Variants in GREB1L observed in about 807,000 individuals in gnomAD.
The protein encoded by GREB1L is GREB1-like protein.
GREB1L carries 17 observed loss-of-function variants against 200.8 expected under a neutral mutation model. The observed-to-expected ratio is 0.08, with a 90% CI of 0.06 to 0.13. The LOEUF is 0.13. GREB1L is among the 10% of genes least tolerant of loss of function. GREB1L has a pLI of 1.00. For missense variants in GREB1L, 1,657 were observed against 2,367.7 expected, an observed-to-expected ratio of 0.70 and a Z score of 6.23; for synonymous variants, 789 against 893.0, an observed-to-expected ratio of 0.88 and a Z score of 2.08.
At chr18:21,277,014 C>T (rs550219872) in intron 1 of GREB1L, among the ~76,000 whole-genome samples, 1 of 150,630 alleles carries the variant, frequency 6.6e-6, no homozygotes, top group Non-Finnish European at 1.5e-5. Flanking sequence ...CTGTAAGCTC[C>T]GCCTCCTGGG....
chr18:21,324,115 T>C (rs1472828517), intron 1 of GREB1L, among the ~76,000 whole-genome samples: 2 of 152,194 alleles, frequency 1.3e-5, no homozygotes, highest in Admixed American at 1.3e-4. Flanking sequence ...GGAATTCCAG[T>C]CAGTGACTCC....
intron 7 of GREB1L, among the ~76,000 whole-genome samples, chr18:21,419,430 C>T (rs2144839572): frequency 6.6e-6 from 1 of 152,150 alleles, no homozygotes. Context: ...GAAATAAACC[C>T]GCACATACAG....
chr18:21,351,442 G>A (rs1166027657), intron 1 of GREB1L, among the ~76,000 whole-genome samples: 1 of 151,994 alleles, frequency 6.6e-6, no homozygotes, highest in African/African-American at 2.4e-5. Context: ...GCATGGTGGC[G>A]CATGCCTGTA....
At chr18:21,243,413 C>A (rs186648600) in intron 1 of GREB1L, among the ~76,000 whole-genome samples, 2 of 152,316 alleles carry the variant, frequency 1.3e-5, no homozygotes, top group Non-Finnish European at 2.9e-5. Flanking sequence ...ATCCTCCCCA[C>A]CCACTCCTCT....
intron 11 of GREB1L, among the ~76,000 whole-genome samples, chr18:21,445,472 C>T (rs2034162911): frequency 6.7e-6 from 1 of 149,924 alleles, no homozygotes; most frequent in South Asian, 2.1e-4. Context: ...GAAACTCCAT[C>T]TCAAAAAAAA....
chr18:21,504,727 G>A lies in GREB1L; in HGVS notation c.4073-685G>A, dbSNP rs147914499. ...GCCTGTAGTCCCAGCTACTCAGGAG[G>A]CTGAGGTGGGAGGATCATTTGATCC... is the stretch of plus-strand genomic sequence containing the variant. On this transcript the variant is annotated intron_variant, in intron 23 of 32. Coordinates refer to ENST00000424526, the MANE Select transcript of GREB1L (RefSeq NM_001142966.3). Among the ~76,000 whole-genome samples the A allele has an allele frequency of 9.0e-3, 1,377 of 152,296 alleles. 21 individuals are homozygous for A. The highest frequency in any genetic ancestry group is 0.031 in the African/African-American group (1,295 of 41,558).
rs543865196 is a variant in GREB1L, at chr18:21,524,751, T to TTA, written c.*1931_*1932dup. 2.0e-5 allele frequency: 3 copies of TTA among 152,232 alleles called. No homozygotes were observed. The South Asian group carries it at 6.2e-4, about 32-fold the overall frequency. 9.4% of individuals were successfully genotyped at this position (152,232 alleles called of 1,614,324 possible). A position where few individuals can be genotyped will look rare whatever the true frequency, so the allele number is the denominator to read the frequency against. On this transcript the variant is annotated 3_prime_UTR_variant, in exon 33 of 33. Transcript: ENST00000424526. ...AGTTACATCAGATGCAGGTACTCCATTAGTTAGGGCTGCACTCTGAAAATT... is the reference window on the plus strand; with the variant it reads ...AGTTACATCAGATGCAGGTACTCCATTATAGTTAGGGCTGCACTCTGAAAATT...
chr18:21,440,086 G>A (rs1268418769), intron 8 of GREB1L, among the ~76,000 whole-genome samples, 183 bp from the exon 9 acceptor site: 1 of 152,194 alleles, frequency 6.6e-6, no homozygotes, highest in African/African-American at 2.4e-5. Context: ...GGCTGTTATT[G>A]TAATGTTAGG....
At chr18:21,265,382 A>T (rs530490097) in intron 1 of GREB1L, among the ~76,000 whole-genome samples, 1 of 152,354 alleles carries the variant, frequency 6.6e-6, no homozygotes, top group South Asian at 2.1e-4. Flanking sequence ...TCCTGAATGA[A>T]AAACCAAATT....
At chr18:21,272,393 G>C (rs2038093118) in intron 1 of GREB1L, among the ~76,000 whole-genome samples, 1 of 152,188 alleles carries the variant, frequency 6.6e-6, no homozygotes, top group Non-Finnish European at 1.5e-5. Flanking sequence ...TGGGTTTGCT[G>C]TGCATCTAGC....
chr18:21,426,381 TG>T (rs1302032846), intron 7 of GREB1L, among the ~76,000 whole-genome samples: 1 of 152,180 alleles, frequency 6.6e-6, no homozygotes, highest in East Asian at 1.9e-4. Context: ...GTATGTGGTA[TG>T]AGGAAGAGGT....
chr18:21,525,012 G>GTGTGTGTATATATATATA lies in GREB1L; in HGVS notation c.*2192_*2193insGTGTGTATATATATATAT, dbSNP rs55641891. The GTGTGTGTATATATATATA allele has an allele frequency of 1.3e-4, 19 of 145,176 alleles. No homozygotes were observed. The highest frequency in any genetic ancestry group is 4.0e-4 in the African/African-American group (16 of 40,214). 9.0% of individuals were successfully genotyped at this position (145,176 alleles called of 1,614,324 possible). A position where few individuals can be genotyped will look rare whatever the true frequency, so the allele number is the denominator to read the frequency against. On this transcript the variant is annotated 3_prime_UTR_variant, in exon 33 of 33. Transcript: ENST00000424526. The stretch of plus-strand genomic sequence containing the variant: ...AAGCACAGGACACCATGATTTGTGT[G>GTGTGTGTATATATATATA]TATATATATATATATCCTAGTGTGT...
intron 23 of GREB1L, among the ~76,000 whole-genome samples, chr18:21,503,580 A>G (rs2036890057): frequency 7.3e-6 from 1 of 136,394 alleles, no homozygotes; most frequent in Non-Finnish European, 1.6e-5. Flanking sequence ...CATTATTATT[A>G]TTATTATTAT....
chr18:21,449,567 A>G lies in GREB1L; in HGVS notation c.1451A>G (p.Gln484Arg), dbSNP rs1339125691. Residue 484 changes from glutamine (Q) to arginine (R), a missense_variant, in exon 12 of 33, where the codon CAA (glutamine) becomes CGA (arginine). Coordinates refer to ENST00000424526, the MANE Select transcript of GREB1L (RefSeq NM_001142966.3). ...GAGCAAATTATGCTGAAAGCTATGC[A>G]AGAATTTACTCTGAGAGAAAGAGCC... ...EFEQIMLKAM[Q>R]EFTLRERALQ... The G allele has an allele frequency of 2.8e-5, 44 of 1,551,312 alleles. No homozygotes were observed. In the Admixed American group the frequency reaches 8.6e-4, roughly 30 times the overall value.
intron 1 of GREB1L, among the ~76,000 whole-genome samples, chr18:21,275,363 T>A (rs2038145329): frequency 6.6e-6 from 1 of 152,232 alleles, no homozygotes; most frequent in Admixed American, 6.5e-5. Context: ...ACAAGTATGT[T>A]ATTTTAAAAT....
chr18:21,457,029 C>G (rs1362860555), intron 15 of GREB1L, among the ~76,000 whole-genome samples: 7 of 152,146 alleles, frequency 4.6e-5, no homozygotes, highest in Admixed American at 3.9e-4. Context: ...ATCATGGCAC[C>G]TGTTTGAAGT....
chr18:21,278,396 A>T lies in GREB1L; in HGVS notation c.-120+36003A>T, dbSNP rs1236359928. Among the ~76,000 whole-genome samples, 84 of 125,492 alleles carry T rather than the reference A, an allele frequency of 6.7e-4. 1 individual carries two copies. The highest frequency in any genetic ancestry group is 3.1e-3 in the African/African-American group (84 of 26,796). 82.3% of individuals were successfully genotyped at this position (125,492 alleles called of 152,430 possible). On this transcript the variant is annotated intron_variant, in intron 1 of 32. Coordinates refer to ENST00000424526, the MANE Select transcript of GREB1L (RefSeq NM_001142966.3). Reference sequence around the variant, plus strand: ...ACTCCATCTCAAAAAAAAAAAATAAATAAATAAATAAATAAATAAATAAAT... The same window carrying T: ...ACTCCATCTCAAAAAAAAAAAATAATTAAATAAATAAATAAATAAATAAAT...
intron 15 of GREB1L, among the ~76,000 whole-genome samples, chr18:21,463,134 CTTTTTTTTTTTTTT>C (rs11355874): frequency 1.8e-5 from 1 of 55,640 alleles, no homozygotes; most frequent in African/African-American, 7.9e-5. Flanking sequence ...CTTAATGGTT[CTTTTTTTTTTTTTT>C]TTTTTTTTTT....
chr18:21,321,015 C>G (rs2038942944), intron 1 of GREB1L, among the ~76,000 whole-genome samples: 1 of 152,152 alleles, frequency 6.6e-6, no homozygotes, highest in South Asian at 2.1e-4. Context: ...GTAACTTGGC[C>G]TGGTGCTCTG....
Sources: gnomAD v4.1 joint callset for allele counts (sites outside exome capture counted in the v4.1 genomes callset) on GRCh38, gnomAD v4.1.1 for gene constraint, MANE v1.5 for transcripts, NCBI Gene and HGNC (gene_info 2026-07-23, HGNC 2026-07-21) for gene names.